NME5: variants seen among roughly 807,000 people sequenced by gnomAD.
The protein encoded by NME5 is NME/NM23 family member 5, also known as nucleoside diphosphate kinase 5.
A neutral mutation model predicts 21.6 loss-of-function variants in NME5; 18 were observed. The observed-to-expected ratio is 0.83, with a 90% CI of 0.58 to 1.24. NME5 has a LOEUF of 1.24. NME5 is among the 50% of genes most tolerant of loss of function. The pLI is 0.00. For missense variants in NME5, 223 were observed against 255.4 expected (o/e 0.87, Z 0.86); for synonymous variants, 70 against 80.6 (o/e 0.87, Z 0.71).
intron 3 of NME5, 55 bp from the exon 4 acceptor site, chr5:138,128,634 A>G: frequency 8.7e-7 from 1 of 1,150,660 alleles, no homozygotes; most frequent in Non-Finnish European, 1.3e-6. Context: ...TCCTTACTTT[A>G]TATGCATGCA....
intron 4 of NME5, among the ~76,000 whole-genome samples, chr5:138,123,857 T>C (rs983942217): frequency 7.2e-5 from 11 of 152,140 alleles, no homozygotes; most frequent in Non-Finnish European, 1.0e-4. Context: ...TGTACAAGCA[T>C]TCCAATTTCC....
At chr5:138,135,064 A>G (rs1751664140) in intron 2 of NME5, among the ~76,000 whole-genome samples, 2 of 147,588 alleles carry the variant, frequency 1.4e-5, no homozygotes, top group African/African-American at 4.9e-5. Context: ...CACGCCTGTA[A>G]TCCCAGCATT....
At chr5:138,118,957 T>G in intron 4 of NME5, 21 bp from the exon 5 acceptor site, 1 of 1,296,928 alleles carries the variant, frequency 7.7e-7, no homozygotes, top group Non-Finnish European at 1.1e-6. Context: ...AAATGTATTC[T>G]CATTGATGCA....
chr5:138,124,713 G>T (rs1204488096), intron 4 of NME5, among the ~76,000 whole-genome samples: 1 of 151,976 alleles, frequency 6.6e-6, no homozygotes, highest in African/African-American at 2.4e-5. Flanking sequence ...TAGAGACAGG[G>T]TCTTGCCATA....
rs76985075 is a variant in NME5 at position 138,128,726 on chromosome 5, T to G, written c.336-147A>C. 8.0e-3 allele frequency: 4,540 copies of G among 568,928 alleles called. 155 individuals are homozygous for G. Among genetic ancestry groups the G allele is most frequent in the African/African-American group, 0.074 (3,876 of 52,114 alleles). 35.2% of individuals were successfully genotyped at this position (568,928 alleles called of 1,614,324 possible). ...ATTTATGTCAAATTTAAGCTTAAATTTAAGCTTATCTATCTAGATAAGGAT... is the reference window on the plus strand; with the variant it reads ...ATTTATGTCAAATTTAAGCTTAAATGTAAGCTTATCTATCTAGATAAGGAT... On this transcript the variant is annotated intron_variant, in intron 3 of 5. Transcript: ENST00000265191.
intron 2 of NME5, among the ~76,000 whole-genome samples, chr5:138,131,735 C>CT (rs1213675304): frequency 2.1e-3 from 306 of 144,804 alleles, no homozygotes; most frequent in African/African-American, 5.0e-3. Context: ...ATTTTGAGTG[C>CT]TTTTTTTTTT....
Position 138,136,262 on chromosome 5 carries a change from G to A in NME5, c.129+2390C>T, listed in dbSNP as rs1751695660. Among the ~76,000 whole-genome samples, 3 of 152,208 alleles carry A rather than the reference G, an allele frequency of 2.0e-5. No individual in the cohort carries two copies. In the South Asian group the frequency reaches 6.2e-4, roughly 32 times the overall value. ...AGGACAGATTTCCAAGAGCAGAACT[G>A]CTGGATCAAATGGTAAGTCCATCTG... On this transcript the variant is annotated intron_variant, in intron 2 of 5. Coordinates refer to ENST00000265191, the MANE Select transcript of NME5 (RefSeq NM_003551.3).
At chr5:138,119,258 T>A (rs1751231500) in intron 4 of NME5, among the ~76,000 whole-genome samples, 1 of 152,188 alleles carries the variant, frequency 6.6e-6, no homozygotes, top group South Asian at 2.1e-4. Flanking sequence ...CAGGCTGGAA[T>A]GCAGTGGCAC....
At chr5:138,128,026 C>T (rs1261785459) in intron 4 of NME5, among the ~76,000 whole-genome samples, 2 of 152,046 alleles carry the variant, frequency 1.3e-5, no homozygotes, top group East Asian at 1.9e-4. Context: ...GTATGCTGGG[C>T]AATACGGAGA....
At chr5:138,117,267 G>A (rs2151156492) in intron 5 of NME5, among the ~76,000 whole-genome samples, 1 of 150,072 alleles carries the variant, frequency 6.7e-6, no homozygotes, top group Middle Eastern at 3.5e-3. Flanking sequence ...AAAACACAGG[G>A]GTAAATTTTC....
At chr5:138,121,417 C>CA (rs892903927) in intron 4 of NME5, among the ~76,000 whole-genome samples, 22 of 148,640 alleles carry the variant, frequency 1.5e-4, no homozygotes, top group African/African-American at 4.5e-4. Context: ...CACCCTGTCT[C>CA]AAAAAAAAAG....
In NME5 at chr5:138,118,854, G is replaced by A; in HGVS notation, c.519C>T (p.Leu173=). 1 of 1,612,910 alleles carries A rather than the reference G, an allele frequency of 6.2e-7. No individual in the cohort carries two copies. Among genetic ancestry groups the A allele is most frequent in the Non-Finnish European group, 8.5e-7 (1 of 1,178,964 alleles). ...LHIMPTLLEG[L]TELCKQKPAD... ...CTGGTTTTTGCTTACAAAGCTCTGT[G>A]AGTCCTTCAAGCAGAGTTGGCATTA... The change falls in exon 5 of 6, where the codon CTC becomes CTT. Residue 173 remains leucine (L), a synonymous_variant. Coordinates refer to ENST00000265191, the MANE Select transcript of NME5 (RefSeq NM_003551.3).
intron 2 of NME5, among the ~76,000 whole-genome samples, chr5:138,134,303 G>C (rs1478218182): frequency 6.6e-6 from 1 of 151,440 alleles, no homozygotes; most frequent in Non-Finnish European, 1.5e-5. Flanking sequence ...GAGTGCAGTG[G>C]TGAAATCTCA....
chr5:138,117,469 G>A (rs1261626390), intron 5 of NME5, among the ~76,000 whole-genome samples: 1 of 151,970 alleles, frequency 6.6e-6, no homozygotes, highest in Non-Finnish European at 1.5e-5. Context: ...TCTAATAAGG[G>A]TTTAACATCT....
chr5:138,131,848 A>C (rs2151167457), intron 2 of NME5, among the ~76,000 whole-genome samples: 1 of 151,704 alleles, frequency 6.6e-6, no homozygotes, highest in East Asian at 2.0e-4. Context: ...GATTCAAGTG[A>C]TTCTCCTGCC....
At chr5:138,122,441 T>TAAAAA (rs70979581) in intron 4 of NME5, among the ~76,000 whole-genome samples, 12 of 34,462 alleles carry the variant, frequency 3.5e-4, no homozygotes, top group African/African-American at 6.5e-4. Context: ...ACTCTGTCTC[T>TAAAAA]AAAAAAAAAA....
At chr5:138,117,157 C>T (rs568754270) in intron 5 of NME5, among the ~76,000 whole-genome samples, 1 of 143,072 alleles carries the variant, frequency 7.0e-6, no homozygotes, top group Non-Finnish European at 1.5e-5. Context: ...TGAAGTGAGC[C>T]GAGATGGCGC....
chr5:138,129,067 T>C (rs948401036), intron 3 of NME5, among the ~76,000 whole-genome samples, 196 bp downstream of exon 3: 1 of 152,100 alleles, frequency 6.6e-6, no homozygotes, highest in African/African-American at 2.4e-5. Context: ...TGGTAGGTAG[T>C]ATTAAAATAG....
intron 5 of NME5, among the ~76,000 whole-genome samples, chr5:138,116,034 T>C (rs892726409): frequency 2.6e-5 from 4 of 152,182 alleles, no homozygotes; most frequent in Non-Finnish European, 4.4e-5. Context: ...CTACAGCTAA[T>C]AAATTCAGCG....
Sources: allele counts gnomAD v4.1 joint callset (sites outside exome capture counted in the v4.1 genomes callset), GRCh38; gene constraint gnomAD v4.1.1; transcripts MANE v1.5; gene names NCBI Gene and HGNC (gene_info 2026-07-23, HGNC 2026-07-21).